The following ENKUR variants were observed in gnomAD, a reference collection of about 807,000 sequenced individuals.
ENKUR encodes enkurin, TRPC channel interacting protein, also known as enkurin.
Under a neutral mutation model 27.6 loss-of-function variants are expected in ENKUR, and 19 were observed. That is an observed-to-expected ratio of 0.69 (90% CI 0.48 to 1.01). ENKUR has a LOEUF of 1.01. Among genes scored for constraint, ENKUR ranks in the 50% least tolerant of loss-of-function variants. The pLI, the probability that ENKUR is intolerant of heterozygous loss-of-function variation, is 0.00. For synonymous variants in ENKUR, 117 were observed against 96.9 expected, an observed-to-expected ratio of 1.21 and a Z score of -1.22; for missense variants, 312 against 310.5, an observed-to-expected ratio of 1.00 and a Z score of -0.04.
chr10:25,024,507 A>C (rs1336564680), intron 2 of ENKUR: 1 of 1,614,202 alleles, frequency 6.2e-7, no homozygotes. Flanking sequence ...GAGAAAATGG[A>C]TGGGCAGTGG....
At chr10:25,055,330 TAAA>T (rs761014079) in intron 2 of ENKUR, among the ~76,000 whole-genome samples, 1 of 140,044 alleles carries the variant, frequency 7.1e-6, no homozygotes, top group Non-Finnish European at 1.6e-5. Flanking sequence ...AGGCCACTTC[TAAA>T]AAAAAAAAAA....
In ENKUR at chr10:24,999,542, T is replaced by C. The variant is rs1236332151; in HGVS notation, c.82A>G (p.Ile28Val). 12 of 1,604,078 alleles carry C rather than the reference T, an allele frequency of 7.5e-6. No individual in the cohort carries two copies. The highest frequency in any genetic ancestry group is 3.4e-5 in the South Asian group (3 of 88,094). ...TTTACAGTTGCCTTAAAAATGGATA[T>C]GTACCTAAAATTGAATTTTAAAAGT... ...LKEPPQPPRY[I>V]SIFKATVKDD... is the part of the protein sequence containing the mutation. Residue 28 changes from isoleucine (I) to valine (V), a missense_variant, in exon 2 of 6, where the codon ATA (isoleucine) becomes GTA (valine). Ile to Val is a conservative substitution (Grantham distance 29, BLOSUM62 3). Transcript: ENST00000331161.
intron 2 of ENKUR, among the ~76,000 whole-genome samples, chr10:25,048,659 T>C (rs1437046305): frequency 1.3e-5 from 2 of 152,038 alleles, no homozygotes; most frequent in Non-Finnish European, 2.9e-5. Context: ...ATGCAGTCCA[T>C]GAGCCAAGGT....
intron 2 of ENKUR, among the ~76,000 whole-genome samples, chr10:25,034,171 T>C (rs2130460492): frequency 6.6e-6 from 1 of 152,308 alleles, no homozygotes; most frequent in East Asian, 1.9e-4. Context: ...TTATTTGTAA[T>C]TTTGTGTTAC....
chr10:25,041,191 C>T (rs974131323), intron 2 of ENKUR, among the ~76,000 whole-genome samples: 3 of 152,096 alleles, frequency 2.0e-5, no homozygotes, highest in Non-Finnish European at 4.4e-5. Flanking sequence ...TTTCATGCTG[C>T]CCTTCTGAAA....
At position 24,988,664 on chromosome 10, in the gene ENKUR, GTATATATATATATATATA is replaced by G. The variant is rs66687937; in HGVS notation, c.594+1781_594+1798del. 8.9e-3 allele frequency among the ~76,000 whole-genome samples: 877 copies of G among 98,480 alleles called. 8 individuals carry two copies. Among genetic ancestry groups the G allele is most frequent in the Middle Eastern group, 0.018 (3 of 164 alleles). The allele number at this position is 98,480 out of a possible 152,430, so 64.6% of individuals were successfully genotyped here. On this transcript the variant is annotated intron_variant, in intron 4 of 5. Transcript: ENST00000331161. ...GAAAATGTAGAGTGACACAGCATAT[GTATATATATATATATATA>G]TATATATATATATATATATATATAT...
At chr10:25,027,209 A>G (rs1850868599) in intron 2 of ENKUR, among the ~76,000 whole-genome samples, 1 of 151,624 alleles carries the variant, frequency 6.6e-6, no homozygotes, top group East Asian at 1.9e-4. Flanking sequence ...GCAAAAAAAT[A>G]GCCGGGCGTG....
chr10:25,021,611 A>G (rs1588672983), intron 2 of ENKUR: 1 of 152,326 alleles, frequency 6.6e-6, no homozygotes, highest in South Asian at 2.1e-4. Flanking sequence ...TTGGGGAAAC[A>G]TATGAAAAGG....
At chr10:25,019,529 A>G (rs1312758805), upstream of ENKUR, among the ~76,000 whole-genome samples, 3 of 152,226 alleles carry the variant, frequency 2.0e-5, no homozygotes, top group African/African-American at 7.2e-5. Flanking sequence ...CAAACAAAAA[A>G]GCAAATTAGT....
chr10:24,987,054 C>T (rs368321192), intron 4 of ENKUR, among the ~76,000 whole-genome samples: 26 of 152,282 alleles, frequency 1.7e-4, no homozygotes, highest in African/African-American at 4.1e-4. Flanking sequence ...CCAGCTCTTT[C>T]GCCCTCTGGC....
intron 1 of ENKUR, among the ~76,000 whole-genome samples, chr10:25,013,547 A>C (rs1050495528): frequency 6.6e-6 from 1 of 152,236 alleles, no homozygotes; most frequent in Admixed American, 6.5e-5. Context: ...TATGGAAAGG[A>C]GATAATGGTT....
At chr10:25,035,482 G>A (rs1014007289) in intron 2 of ENKUR, among the ~76,000 whole-genome samples, 3 of 152,042 alleles carry the variant, frequency 2.0e-5, no homozygotes, top group African/African-American at 4.8e-5. Context: ...TTGAATCCAG[G>A]AGGTGGAGGT....
chr10:25,009,740 T>C (rs1029752716), intron 1 of ENKUR, among the ~76,000 whole-genome samples: 1 of 152,200 alleles, frequency 6.6e-6, no homozygotes, highest in African/African-American at 2.4e-5. Context: ...TTTCCCATGC[T>C]GTTCTTGGGA....
At position 24,999,390 on chromosome 10, in the gene ENKUR, A is replaced by T; in HGVS notation, c.223+11T>A. ...CTTTTAATATTAAAAATAAAGCATG[A>T]TAAAACCTACTGGGTGGTAGAGTTT... On this transcript the variant is annotated intron_variant, in intron 2 of 5. Transcript: ENST00000331161. 6.3e-7 allele frequency: 1 copy of T among 1,590,162 alleles called. No homozygotes were observed. Among genetic ancestry groups the T allele is most frequent in the Non-Finnish European group, 8.5e-7 (1 of 1,173,538 alleles).
At chr10:25,024,562 ATT>A in intron 2 of ENKUR, 1 of 1,614,116 alleles carries the variant, frequency 6.2e-7, no homozygotes, top group African/African-American at 1.3e-5. Context: ...TATAAAAAGA[ATT>A]TTTAATGATT....
intron 2 of ENKUR, chr10:25,025,725 C>T (rs74122933): frequency 0.012 from 4,347 of 371,180 alleles, 162 homozygotes; most frequent in African/African-American, 0.083. Flanking sequence ...TCAATTTCCA[C>T]TCCCACACCC....
intron 2 of ENKUR, among the ~76,000 whole-genome samples, chr10:25,027,370 A>AAAAAAAAAAC (rs1850874891): frequency 7.0e-6 from 1 of 142,674 alleles, no homozygotes; most frequent in Admixed American, 7.1e-5. Context: ...AAAAAAAAAA[A>AAAAAAAAAAC]AAAAAAAAAA....
intron 2 of ENKUR, among the ~76,000 whole-genome samples, chr10:24,996,200 A>G (rs957769644): frequency 6.6e-6 from 1 of 152,240 alleles, no homozygotes; most frequent in Admixed American, 6.5e-5. Flanking sequence ...ACGTGGGCAG[A>G]TCGCTTGAGC....
intron 3 of ENKUR, among the ~76,000 whole-genome samples, chr10:24,994,464 G>T (rs1191791857): frequency 1.3e-5 from 2 of 151,572 alleles, no homozygotes; most frequent in African/African-American, 4.9e-5. Flanking sequence ...CACCCGAGTA[G>T]CTGGGATTAC....
Sources: gnomAD v4.1 joint callset for allele counts (sites outside exome capture counted in the v4.1 genomes callset) on GRCh38, gnomAD v4.1.1 for gene constraint, MANE v1.5 for transcripts, NCBI Gene and HGNC (gene_info 2026-07-23, HGNC 2026-07-21) for gene names.